The following DCC variants were observed in gnomAD, a reference collection of about 807,000 sequenced individuals.
DCC encodes the protein DCC netrin 1 receptor, also known as netrin receptor DCC.
Under a neutral mutation model 172.5 loss-of-function variants are expected in DCC, and 58 were observed. The observed-to-expected ratio is 0.34, with a 90% CI of 0.27 to 0.42. The LOEUF (loss-of-function observed/expected upper bound fraction) is 0.42, where lower values mean the gene tolerates loss of function less well. Among genes scored for constraint, DCC ranks in the 10% least tolerant of loss-of-function variants. The pLI is 1.00. For missense variants in DCC, 1,740 were observed against 1,791.0 expected (o/e 0.97, Z 0.51); for synonymous variants, 709 against 644.5 (o/e 1.10, Z -1.52).
At chr18:52,629,964 A>AAAG (rs1411674023) in intron 1 of DCC, among the ~76,000 whole-genome samples, 8 of 149,972 alleles carry the variant, frequency 5.3e-5, no homozygotes, top group Non-Finnish European at 1.2e-4. Context: ...AAAAAAAAAA[A>AAAG]AAAAAAAAAA....
chr18:53,250,334 G>A (rs1004536609), intron 12 of DCC, among the ~76,000 whole-genome samples: 2 of 151,682 alleles, frequency 1.3e-5, no homozygotes, highest in Non-Finnish European at 2.9e-5. Context: ...AGAGATTTTA[G>A]TTTATTTCAG....
intron 26 of DCC, among the ~76,000 whole-genome samples, chr18:53,499,049 T>C (rs1029204499): frequency 2.0e-5 from 3 of 152,210 alleles, no homozygotes; most frequent in Admixed American, 2.0e-4. Flanking sequence ...CAGTGCTCAA[T>C]ATATTTTACT....
At chr18:53,245,750 A>C (rs1261032346) in intron 12 of DCC, among the ~76,000 whole-genome samples, 1 of 152,156 alleles carries the variant, frequency 6.6e-6, no homozygotes, top group African/African-American at 2.4e-5. Context: ...AGAATACCTT[A>C]GACTGGAAAG....
chr18:52,624,872 T>C (rs1277989725), intron 1 of DCC, among the ~76,000 whole-genome samples: 1 of 152,138 alleles, frequency 6.6e-6, no homozygotes, highest in Non-Finnish European at 1.5e-5. Flanking sequence ...GCATTTGGCT[T>C]ACGCAGATCG....
intron 9 of DCC, among the ~76,000 whole-genome samples, chr18:53,191,471 TG>T (rs2055365764): frequency 6.6e-6 from 1 of 152,190 alleles, no homozygotes; most frequent in Non-Finnish European, 1.5e-5. Flanking sequence ...TATTTAATTT[TG>T]TAGTATTACA....
chr18:52,814,356 C>T (rs994625612), intron 2 of DCC, among the ~76,000 whole-genome samples: 1 of 152,194 alleles, frequency 6.6e-6, no homozygotes, highest in Non-Finnish European at 1.5e-5. Flanking sequence ...TGACAAGTTT[C>T]CATCTTGACT....
At chr18:53,076,536 T>A (rs1172484671) in intron 7 of DCC, among the ~76,000 whole-genome samples, 1 of 152,170 alleles carries the variant, frequency 6.6e-6, no homozygotes, top group Non-Finnish European at 1.5e-5. Context: ...GATTAGTAGA[T>A]CCCGTGGCAA....
intron 2 of DCC, among the ~76,000 whole-genome samples, chr18:52,868,033 G>GTGTGTA (rs34439277): frequency 2.7e-4 from 33 of 120,472 alleles, no homozygotes; most frequent in East Asian, 2.1e-3. Context: ...GTGTATGTGT[G>GTGTGTA]TATATATATA....
intron 1 of DCC, among the ~76,000 whole-genome samples, chr18:52,430,597 G>C (rs1346764239): frequency 6.6e-6 from 1 of 152,084 alleles, no homozygotes; most frequent in African/African-American, 2.4e-5. Context: ...GAGGATGATA[G>C]TAAAAATACT....
chr18:52,809,090 A>T (rs2038144854), intron 2 of DCC, among the ~76,000 whole-genome samples: 1 of 152,172 alleles, frequency 6.6e-6, no homozygotes, highest in Admixed American at 6.5e-5. Flanking sequence ...CAATTCCCTC[A>T]TATCTTACAG....
chr18:53,032,746 C>CATG (rs2042042853), intron 5 of DCC, among the ~76,000 whole-genome samples: 1 of 152,074 alleles, frequency 6.6e-6, no homozygotes, highest in Non-Finnish European at 1.5e-5. Flanking sequence ...GTACAGAGTG[C>CATG]ATGAGGACAT....
intron 2 of DCC, among the ~76,000 whole-genome samples, chr18:52,840,417 A>G (rs1245008010): frequency 6.6e-6 from 1 of 152,208 alleles, no homozygotes; most frequent in East Asian, 1.9e-4. Flanking sequence ...CTGATTTACT[A>G]GTATTCAGGC....
At chr18:52,644,749 A>G (rs1246061286) in intron 1 of DCC, among the ~76,000 whole-genome samples, 1 of 139,896 alleles carries the variant, frequency 7.1e-6, no homozygotes, top group Non-Finnish European at 1.5e-5. Context: ...TTTAAGAAAG[A>G]AAGAGAGAAA....
chr18:53,216,979 G>A (rs1285067460), intron 12 of DCC, among the ~76,000 whole-genome samples: 2 of 151,962 alleles, frequency 1.3e-5, no homozygotes, highest in Non-Finnish European at 2.9e-5. Flanking sequence ...AATGAAATTT[G>A]GAAAACATAT....
intron 15 of DCC, among the ~76,000 whole-genome samples, chr18:53,344,440 C>CTTTTTTTTTTTTTTTTTTTT (rs71175582): frequency 1.0e-5 from 1 of 97,064 alleles, no homozygotes; most frequent in Non-Finnish European, 1.9e-5. Context: ...TTTCGTTTTT[C>CTTTTTTTTTTTTTTTTTTTT]TTTTTTTTTT....
At chr18:52,674,394 G>T (rs2035611967) in intron 1 of DCC, among the ~76,000 whole-genome samples, 1 of 152,238 alleles carries the variant, frequency 6.6e-6, no homozygotes, top group South Asian at 2.1e-4. Context: ...CCTTCCATTT[G>T]CTTCTGTTGA....
intron 12 of DCC, among the ~76,000 whole-genome samples, chr18:53,295,505 G>A (rs1482052986): frequency 6.6e-6 from 1 of 152,000 alleles, no homozygotes; most frequent in East Asian, 1.9e-4. Flanking sequence ...TCAGTTAGAT[G>A]TTTTCAGGAT....
intron 7 of DCC, among the ~76,000 whole-genome samples, chr18:53,139,249 C>A (rs1422244403): frequency 2.0e-5 from 3 of 152,254 alleles, no homozygotes; most frequent in Non-Finnish European, 4.4e-5. Context: ...CTGGGGCTGG[C>A]AATTTATGGT....
rs58112743 is a variant in DCC at position 52,515,606 on chromosome 18, C to CAAAAAAAAAAAAAAAAAAAAAA, written c.91+174748_91+174749insAAAAAAAAAAAAAAAAAAAAAA. Among the ~76,000 whole-genome samples the CAAAAAAAAAAAAAAAAAAAAAA allele has an allele frequency of 2.1e-3, 22 of 10,328 alleles. 4 individuals are homozygous for CAAAAAAAAAAAAAAAAAAAAAA. The highest frequency in any genetic ancestry group is 3.0e-3 in the African/African-American group (14 of 4,594). The allele number at this position is 10,328 out of a possible 152,430, so 6.8% of individuals were successfully genotyped here. On this transcript the variant is annotated intron_variant, in intron 1 of 28. Coordinates refer to ENST00000442544, the MANE Select transcript of DCC (RefSeq NM_005215.4). ...TGGGCGACAGAGCGAAACCCTGTCT[C>CAAAAAAAAAAAAAAAAAAAAAA]AAAAAAAAAAAAAAAAAAAATCATA...
Sources: gnomAD v4.1 joint callset for allele counts (sites outside exome capture counted in the v4.1 genomes callset) on GRCh38, gnomAD v4.1.1 for gene constraint, MANE v1.5 for transcripts, NCBI Gene and HGNC (gene_info 2026-07-23, HGNC 2026-07-21) for gene names.